Variants in EFCAB3 observed in about 807,000 individuals in gnomAD.
EFCAB3 encodes EF-hand calcium-binding domain-containing protein 3.
In EFCAB3, 36 loss-of-function variants were observed where a neutral mutation model predicts 42.2. The observed-to-expected ratio is 0.85, with a 90% CI of 0.65 to 1.13. EFCAB3 has a LOEUF of 1.13. Ranked by LOEUF, EFCAB3 falls within the 50% of genes most tolerant of loss-of-function variation. The pLI is 0.00. For missense variants in EFCAB3, 418 were observed against 505.1 expected (o/e 0.83, Z 1.65); for synonymous variants, 170 against 172.8 (o/e 0.98, Z 0.13).
At chr17:62,404,799 A>AT (rs1383427423) in intron 6 of EFCAB3, among the ~76,000 whole-genome samples, 8 of 152,206 alleles carry the variant, frequency 5.3e-5, no homozygotes, top group African/African-American at 1.9e-4. Flanking sequence ...TCCATCTCAA[A>AT]AAATAATAAT....
chr17:62,378,853 G>T (rs537335295), upstream of EFCAB3, among the ~76,000 whole-genome samples: 3 of 151,904 alleles, frequency 2.0e-5, no homozygotes, highest in South Asian at 2.1e-4. Flanking sequence ...CAGCAAACCC[G>T]CATGGCACGT....
At chr17:62,373,437 A>AC (rs993282314) in intron 1 of EFCAB3, among the ~76,000 whole-genome samples, 5 of 146,082 alleles carry the variant, frequency 3.4e-5, no homozygotes, top group Non-Finnish European at 7.5e-5. Flanking sequence ...ACATAGGGAG[A>AC]CCCCCATCTC....
At chr17:62,407,638 C>T (rs567178356) in intron 8 of EFCAB3, among the ~76,000 whole-genome samples, 1 of 152,280 alleles carries the variant, frequency 6.6e-6, no homozygotes, top group East Asian at 1.9e-4. Context: ...TCGACTAGAT[C>T]CCCATTTATG....
chr17:62,406,886 G>A, intron 7 of EFCAB3, 142 bp from the exon 8 acceptor site: 1 of 407,844 alleles, frequency 2.5e-6, no homozygotes, highest in East Asian at 5.5e-5. Flanking sequence ...GGATGGGTGG[G>A]GGGTGGGAGC....
chr17:62,416,439 A>C lies in EFCAB3; in HGVS notation c.*110A>C. On this transcript the variant is annotated 3_prime_UTR_variant, in exon 10 of 10. Coordinates refer to ENST00000305286, the MANE Select transcript of EFCAB3 (RefSeq NM_173503.4). ...ATTCTTAGAAGCTGGAAATTTTGAC[A>C]TCTTTTGGATTCTGACCAGTAAAAA... 3.2e-6 allele frequency: 3 copies of C among 940,598 alleles called. No individual in the cohort carries two copies. Among genetic ancestry groups the C allele is most frequent in the Non-Finnish European group, 4.6e-6 (3 of 653,024 alleles). 58.3% of individuals were successfully genotyped at this position (940,598 alleles called of 1,614,324 possible). A position where few individuals can be genotyped will look rare whatever the true frequency, so the allele number is the denominator to read the frequency against.
chr17:62,413,524 G>T (rs866458451), intron 8 of EFCAB3, among the ~76,000 whole-genome samples: 5 of 152,052 alleles, frequency 3.3e-5, no homozygotes, highest in Admixed American at 2.0e-4. Flanking sequence ...CACCATCTAG[G>T]ATATACAGAT....
chr17:62,393,888 A>G (rs1468183931), intron 5 of EFCAB3, among the ~76,000 whole-genome samples: 1 of 152,212 alleles, frequency 6.6e-6, no homozygotes, highest in Non-Finnish European at 1.5e-5. Context: ...TTGGTCTCCA[A>G]CGAGAACACT....
At chr17:62,415,854 C>T in intron 9 of EFCAB3, 149 bp from the exon 10 acceptor site, 1 of 652,764 alleles carries the variant, frequency 1.5e-6, no homozygotes. Context: ...CCTCCTAGCT[C>T]ACACGTCCTC....
At chr17:62,411,892 G>A (rs1279183245) in intron 8 of EFCAB3, among the ~76,000 whole-genome samples, 1 of 28,284 alleles carries the variant, frequency 3.5e-5, no homozygotes, top group Non-Finnish European at 8.9e-5. Context: ...AAGGAAGGAA[G>A]GAAGGAAGGA....
intron 6 of EFCAB3, among the ~76,000 whole-genome samples, chr17:62,399,342 A>AT: frequency 6.6e-6 from 1 of 151,700 alleles, no homozygotes; most frequent in East Asian, 1.9e-4. Context: ...TAATTTTTCT[A>AT]TTTTTTGTGG....
chr17:62,370,644 G>A (rs977703594), intron 1 of EFCAB3, among the ~76,000 whole-genome samples: 6 of 149,672 alleles, frequency 4.0e-5, no homozygotes, highest in African/African-American at 9.8e-5. Context: ...CAACAAGAGC[G>A]AAACTCTGTC....
At position 62,382,996 on chromosome 17, in the gene EFCAB3, T is replaced by C; in HGVS notation, c.17T>C (p.Ile6Thr). 1 of 1,613,662 alleles carries C rather than the reference T, an allele frequency of 6.2e-7. No individual in the cohort carries two copies. The highest frequency in any genetic ancestry group is 2.2e-5 in the East Asian group (1 of 44,858). MAVSEIKPKLKLNPLT... is the reference protein window; with the variant it reads MAVSETKPKLKLNPLT... ...ACTGGCCACATGGCAGTTTCAGAAA[T>C]TAAACCAAAACTTAAGCTGAATCCT... Residue 6 changes from isoleucine to threonine, a missense_variant, in exon 2 of 10, where the codon ATT becomes ACT. Coordinates refer to ENST00000305286, the MANE Select transcript of EFCAB3 (RefSeq NM_173503.4).
chr17:62,392,395 AT>A (rs919241290), intron 4 of EFCAB3, among the ~76,000 whole-genome samples: 5 of 152,102 alleles, frequency 3.3e-5, no homozygotes, highest in African/African-American at 1.2e-4. Flanking sequence ...AAAATGGACT[AT>A]TTGAAAAACA....
upstream of EFCAB3, among the ~76,000 whole-genome samples, chr17:62,378,738 G>A (rs897876308): frequency 3.3e-5 from 5 of 149,350 alleles, no homozygotes; most frequent in Admixed American, 1.3e-4. Flanking sequence ...GACACAGGGA[G>A]GGGAACATCA....
At chr17:62,407,332 C>CAT in intron 8 of EFCAB3, 120 bp downstream of exon 8, 1 of 859,758 alleles carries the variant, frequency 1.2e-6, no homozygotes, top group Admixed American at 3.6e-5. Flanking sequence ...AAGCAGATGC[C>CAT]ATAACCATGT....
Position 62,393,783 on chromosome 17 carries a change from C to T in EFCAB3, c.367+139C>T, listed in dbSNP as rs2070325166. Reference sequence around the variant, plus strand: ...TGTGAGTTACTTTTGTACCTCTTCTCCAGAACAGTATTTGCTAAACAAATT... The same window carrying T: ...TGTGAGTTACTTTTGTACCTCTTCTTCAGAACAGTATTTGCTAAACAAATT... On this transcript the variant is annotated intron_variant, in intron 5 of 9. Transcript: ENST00000305286. The T allele has an allele frequency of 1.0e-5, 7 of 679,934 alleles. No homozygotes were observed. In the South Asian group the frequency reaches 1.3e-4, roughly 13 times the overall value. 42.1% of individuals were successfully genotyped at this position (679,934 alleles called of 1,614,324 possible).
intron 5 of EFCAB3, 43 bp from the exon 6 acceptor site, chr17:62,395,025 T>G (rs777271038): frequency 3.7e-6 from 6 of 1,606,162 alleles, no homozygotes; most frequent in Non-Finnish European, 5.1e-6. Context: ...ATTTCTTATT[T>G]CAGAAGGTAT....
At chr17:62,406,184 A>G (rs1284274019) in intron 6 of EFCAB3, among the ~76,000 whole-genome samples, 1 of 152,142 alleles carries the variant, frequency 6.6e-6, no homozygotes, top group East Asian at 1.9e-4. Context: ...GCCTGGCAAC[A>G]TAACAAGACC....
At chr17:62,415,366 G>A (rs2070537616) in intron 9 of EFCAB3, among the ~76,000 whole-genome samples, 1 of 152,210 alleles carries the variant, frequency 6.6e-6, no homozygotes, top group Non-Finnish European at 1.5e-5. Context: ...ATTAGAAACA[G>A]TGGGTCACTA....
Sources: gnomAD v4.1 joint callset for allele counts (sites outside exome capture counted in the v4.1 genomes callset) on GRCh38, gnomAD v4.1.1 for gene constraint, MANE v1.5 for transcripts, NCBI Gene and HGNC (gene_info 2026-07-23, HGNC 2026-07-21) for gene names.